The following RBFOX1 variants were observed in gnomAD, a reference collection of about 807,000 sequenced individuals.
RBFOX1 encodes the protein RNA binding fox-1 homolog 1, also known as RNA binding protein fox-1 homolog 1.
RBFOX1 carries 8 observed loss-of-function variants against 57.7 expected under a neutral mutation model. That is an observed-to-expected ratio of 0.14 (90% CI 0.08 to 0.25). The LOEUF is 0.25. RBFOX1 is among the 10% of genes least tolerant of loss of function. The pLI is 1.00. For synonymous variants in RBFOX1, 326 were observed against 222.4 expected, an observed-to-expected ratio of 1.47 and a Z score of -4.15; for missense variants, 611 against 548.5, an observed-to-expected ratio of 1.11 and a Z score of -1.14.
chr16:5,858,495 C>A (rs1459539773), intron 3 of RBFOX1, among the ~76,000 whole-genome samples: 3 of 152,172 alleles, frequency 2.0e-5, no homozygotes, highest in African/African-American at 7.2e-5. Flanking sequence ...CCTCCCTCCC[C>A]TGTGACTTTT....
chr16:7,154,589 G>T (rs1003328150), intron 4 of RBFOX1, among the ~76,000 whole-genome samples: 2 of 152,058 alleles, frequency 1.3e-5, no homozygotes, highest in Non-Finnish European at 2.9e-5. Flanking sequence ...TAAACTTGAA[G>T]GCATTTAGAA....
chr16:7,223,823 A>G (rs2092912026), intron 4 of RBFOX1, among the ~76,000 whole-genome samples: 1 of 63,424 alleles, frequency 1.6e-5, no homozygotes, highest in Admixed American at 1.8e-4. Flanking sequence ...AAACCAAAAG[A>G]GCATTTTTTT....
chr16:7,070,445 A>AT (rs1207831582), intron 4 of RBFOX1, among the ~76,000 whole-genome samples: 2 of 152,074 alleles, frequency 1.3e-5, no homozygotes, highest in Admixed American at 6.5e-5. Flanking sequence ...AGATTTAAAT[A>AT]TTTTTGGCAA....
intron 1 of RBFOX1, among the ~76,000 whole-genome samples, chr16:6,268,091 A>G (rs777082096): frequency 6.6e-6 from 1 of 152,168 alleles, no homozygotes; most frequent in Non-Finnish European, 1.5e-5. Context: ...CACTGGGTAA[A>G]CACAAACCCT....
At chr16:5,770,133 G>A (rs1002481484) in intron 3 of RBFOX1, among the ~76,000 whole-genome samples, 31 of 152,278 alleles carry the variant, frequency 2.0e-4, no homozygotes, top group African/African-American at 7.0e-4. Context: ...GTATATTAAT[G>A]TTTGAAGTGA....
chr16:6,965,202 T>G (rs887758108), intron 3 of RBFOX1, among the ~76,000 whole-genome samples: 5 of 152,092 alleles, frequency 3.3e-5, no homozygotes, highest in Non-Finnish European at 7.3e-5. Context: ...GTGGGTGGTG[T>G]AAATCACTAA....
chr16:5,740,258 C>G (rs1052983751), intron 3 of RBFOX1, among the ~76,000 whole-genome samples: 5 of 152,142 alleles, frequency 3.3e-5, no homozygotes, highest in African/African-American at 1.2e-4. Context: ...CAGTCATCAT[C>G]AGAAGTGAGA....
At chr16:7,041,028 G>C (rs903860486) in intron 3 of RBFOX1, among the ~76,000 whole-genome samples, 5 of 150,370 alleles carry the variant, frequency 3.3e-5, no homozygotes, top group Admixed American at 6.6e-5. Context: ...CGATTCTCCT[G>C]CCTCAGCCCC....
intron 1 of RBFOX1, among the ~76,000 whole-genome samples, chr16:6,229,070 C>A (rs1034770547): frequency 6.6e-6 from 1 of 152,084 alleles, no homozygotes; most frequent in Non-Finnish European, 1.5e-5. Context: ...ATAGACTCTT[C>A]CTTGGCCCAT....
At chr16:6,850,978 T>C (rs1042979770) in intron 3 of RBFOX1, among the ~76,000 whole-genome samples, 8 of 152,208 alleles carry the variant, frequency 5.3e-5, no homozygotes, top group African/African-American at 1.7e-4. Flanking sequence ...ATAGCCCGTA[T>C]GTTTTCAGTG....
chr16:6,693,245 C>CCAT (rs1355313615), intron 3 of RBFOX1, among the ~76,000 whole-genome samples: 2 of 151,518 alleles, frequency 1.3e-5, no homozygotes, highest in South Asian at 4.2e-4. Context: ...ACCATCACCA[C>CCAT]CATCATCATC....
At chr16:7,495,987 C>A (rs1040639476) in intron 4 of RBFOX1, among the ~76,000 whole-genome samples, 1 of 152,134 alleles carries the variant, frequency 6.6e-6, no homozygotes, top group Non-Finnish European at 1.5e-5. Context: ...ATAAGTACTT[C>A]CATACAGAGA....
intron 4 of RBFOX1, among the ~76,000 whole-genome samples, chr16:7,190,464 A>G (rs1195585881): frequency 6.6e-6 from 1 of 152,154 alleles, no homozygotes; most frequent in Non-Finnish European, 1.5e-5. Flanking sequence ...ACAAATTCCC[A>G]ACAGGTATTT....
intron 4 of RBFOX1, among the ~76,000 whole-genome samples, chr16:7,054,606 C>G (rs892506387): frequency 1.3e-5 from 2 of 151,356 alleles, no homozygotes; most frequent in Non-Finnish European, 2.9e-5. Flanking sequence ...AATACCTGTC[C>G]ATCTCAATGA....
At chr16:6,611,271 C>G (rs191998048) in intron 2 of RBFOX1, among the ~76,000 whole-genome samples, 18 of 152,152 alleles carry the variant, frequency 1.2e-4, no homozygotes, top group African/African-American at 4.1e-4. Context: ...CTCAGCCTCC[C>G]AAATAGCTGA....
At chr16:5,451,413 G>T (rs1327602467) in intron 1 of RBFOX1, among the ~76,000 whole-genome samples, 1 of 152,108 alleles carries the variant, frequency 6.6e-6, no homozygotes, top group Non-Finnish European at 1.5e-5. Context: ...ATTTATATGA[G>T]AATTTAAAAA....
At chr16:6,457,729 A>G (rs2094812229) in intron 2 of RBFOX1, among the ~76,000 whole-genome samples, 1 of 152,036 alleles carries the variant, frequency 6.6e-6, no homozygotes, top group African/African-American at 2.4e-5. Context: ...GATAATGTGG[A>G]CCCCGGTGAT....
At chr16:5,970,252 A>G (rs185718156) in intron 4 of RBFOX1, among the ~76,000 whole-genome samples, 117 of 151,986 alleles carry the variant, frequency 7.7e-4, no homozygotes, top group Non-Finnish European at 1.3e-3. Context: ...GATGTTGTCT[A>G]TTTACTCATT....
At chr16:7,503,132 C>G (rs1048206919) in intron 4 of RBFOX1, among the ~76,000 whole-genome samples, 1 of 152,236 alleles carries the variant, frequency 6.6e-6, no homozygotes, top group African/African-American at 2.4e-5. Context: ...CTAGAACATT[C>G]TGTCATCTGT....
Sources: gnomAD v4.1 joint callset for allele counts (sites outside exome capture counted in the v4.1 genomes callset) on GRCh38, gnomAD v4.1.1 for gene constraint, MANE v1.5 for transcripts, NCBI Gene and HGNC (gene_info 2026-07-23, HGNC 2026-07-21) for gene names.